Variants in ADCK1 observed in about 807,000 individuals in gnomAD.
ADCK1 encodes aarF domain-containing protein kinase 1.
A neutral mutation model predicts 52.3 loss-of-function variants in ADCK1; 41 were observed. The observed-to-expected ratio is 0.78, with a 90% CI of 0.61 to 1.02. The LOEUF (loss-of-function observed/expected upper bound fraction) is 1.02. Ranked by LOEUF, ADCK1 falls within the 50% of genes least tolerant of loss-of-function variation. The probability of loss-of-function intolerance (pLI) is 0.00; values close to 1 mark genes in which losing one functional copy is unlikely to be tolerated. For synonymous variants in ADCK1, 250 were observed against 274.6 expected (o/e 0.91, Z 0.89); for missense variants, 658 against 679.5 (o/e 0.97, Z 0.35).
At position 77,809,381 on chromosome 14, in the gene ADCK1, G is replaced by A. The variant is rs576427462; in HGVS notation, c.-12+9211G>A. Among the ~76,000 whole-genome samples, 6 of 152,236 alleles carry A rather than the reference G, an allele frequency of 3.9e-5. No homozygotes were observed. In the South Asian group the frequency reaches 1.2e-3, roughly 32 times the overall value. ...TTTGGCTCTTGTTGCCCAGGCTGGAGTGCAATGGCGTGACCTTGGCTCACT... is the reference window on the plus strand; with the variant it reads ...TTTGGCTCTTGTTGCCCAGGCTGGAATGCAATGGCGTGACCTTGGCTCACT... On this transcript the variant is annotated intron_variant, in intron 1 of 10. Transcript: ENST00000238561.
chr14:77,897,358 C>T (rs1000970576), intron 5 of ADCK1, among the ~76,000 whole-genome samples: 14 of 152,180 alleles, frequency 9.2e-5, no homozygotes, highest in African/African-American at 2.9e-4. Flanking sequence ...CACCCTTGCT[C>T]ACCCACTACA....
intron 10 of ADCK1, 92 bp from the exon 11 acceptor site, chr14:77,933,128 A>C: frequency 7.0e-7 from 1 of 1,419,282 alleles, no homozygotes. Context: ...TGAGTTGGCC[A>C]AAGCCACCAT....
intron 7 of ADCK1, among the ~76,000 whole-genome samples, chr14:77,919,242 C>T (rs540957842): frequency 3.3e-5 from 5 of 152,290 alleles, no homozygotes; most frequent in Admixed American, 6.5e-5. Context: ...ATCCCTCACC[C>T]TTCTCCCCAA....
chr14:77,867,090 G>A (rs944754059), intron 4 of ADCK1, among the ~76,000 whole-genome samples: 5 of 152,234 alleles, frequency 3.3e-5, no homozygotes, highest in Admixed American at 6.5e-5. Flanking sequence ...GGAGCGCCCT[G>A]GCTGTGCCCC....
At chr14:77,903,087 A>C (rs2083583912) in intron 6 of ADCK1, among the ~76,000 whole-genome samples, 1 of 152,260 alleles carries the variant, frequency 6.6e-6, no homozygotes, top group Non-Finnish European at 1.5e-5. Flanking sequence ...GGCAAGTGCC[A>C]GACCAAGACA....
rs1305636289 is a variant in ADCK1 at position 77,909,148 on chromosome 14, T to C, written c.858+1229T>C. On this transcript the variant is annotated intron_variant, in intron 7 of 10. Coordinates refer to ENST00000238561, the MANE Select transcript of ADCK1 (RefSeq NM_020421.4). ...AATGCTTTTTTTTTTTTTTTTTTTT[T>C]CCCTGAGACGGAGTTTTGCTCTTGT... 1.2e-4 allele frequency among the ~76,000 whole-genome samples: 18 copies of C among 148,796 alleles called. No individual in the cohort carries two copies. In the South Asian group the frequency reaches 1.3e-3, roughly 11 times the overall value.
At chr14:77,907,745 C>A in intron 6 of ADCK1, 58 bp from the exon 7 acceptor site, 1 of 1,359,294 alleles carries the variant, frequency 7.4e-7, no homozygotes, top group South Asian at 1.3e-5. Flanking sequence ...GCCACATTGT[C>A]ATCCTTGCCC....
intron 7 of ADCK1, among the ~76,000 whole-genome samples, chr14:77,918,225 G>A (rs183523116): frequency 5.1e-4 from 78 of 152,264 alleles, no homozygotes; most frequent in African/African-American, 1.8e-3. Flanking sequence ...GGTTTATATG[G>A]GGGAACTTAC....
At chr14:77,911,250 T>G (rs2140265871) in intron 7 of ADCK1, among the ~76,000 whole-genome samples, 1 of 152,348 alleles carries the variant, frequency 6.6e-6, no homozygotes, top group Middle Eastern at 3.4e-3. Context: ...GGGTTTGAAC[T>G]CAGGTCTGCA....
rs185883104 is a variant in ADCK1 at position 77,849,118 on chromosome 14, G to A, written c.220-9958G>A. On this transcript the variant is annotated intron_variant, in intron 3 of 10. Coordinates refer to ENST00000238561, the MANE Select transcript of ADCK1 (RefSeq NM_020421.4). ...GCTGGGATTATAGGCGTGAGCCACC[G>A]CGCCCGGCCACAGTGGCATAATTAT... Among the ~76,000 whole-genome samples the A allele has an allele frequency of 1.4e-3, 220 of 152,168 alleles. 1 individual carries two copies. Among genetic ancestry groups the A allele is most frequent in the Non-Finnish European group, 2.5e-3 (171 of 68,004 alleles).
chr14:77,927,782 T>C (rs979010672), intron 9 of ADCK1, among the ~76,000 whole-genome samples: 1 of 152,194 alleles, frequency 6.6e-6, no homozygotes, highest in Admixed American at 6.5e-5. Context: ...GCGTTTGGTA[T>C]GGCCCAGAGC....
chr14:77,906,944 C>T (rs572165079), intron 6 of ADCK1, among the ~76,000 whole-genome samples: 2 of 152,284 alleles, frequency 1.3e-5, no homozygotes, highest in Middle Eastern at 6.8e-3. Context: ...TGTTTTCAGA[C>T]AGGATCTTGC....
At chr14:77,885,606 T>C (rs2083130229) in intron 4 of ADCK1, among the ~76,000 whole-genome samples, 1 of 152,096 alleles carries the variant, frequency 6.6e-6, no homozygotes, top group Non-Finnish European at 1.5e-5. Flanking sequence ...TCATGTGACA[T>C]CTGAAGTCCA....
intron 3 of ADCK1, among the ~76,000 whole-genome samples, chr14:77,843,474 A>T (rs1465718401): frequency 6.6e-6 from 1 of 152,200 alleles, no homozygotes; most frequent in Non-Finnish European, 1.5e-5. Context: ...GATGGAGGGA[A>T]GGGTCCTCTT....
chr14:77,817,711 G>A (rs1214088742), intron 1 of ADCK1, among the ~76,000 whole-genome samples: 1 of 151,974 alleles, frequency 6.6e-6, no homozygotes, highest in South Asian at 2.1e-4. Flanking sequence ...CCCTCAAGGA[G>A]CCTCCATTCA....
intron 3 of ADCK1, among the ~76,000 whole-genome samples, chr14:77,852,664 T>A (rs11159297): frequency 0.077 from 388 of 5,062 alleles, 2 homozygotes; most frequent in East Asian, 0.19. Flanking sequence ...TAAATAAATA[T>A]ATATATATAT....
chr14:77,874,167 G>A (rs991542224), intron 4 of ADCK1, among the ~76,000 whole-genome samples: 37 of 152,326 alleles, frequency 2.4e-4, no homozygotes, highest in African/African-American at 8.2e-4. Context: ...GTTGGAGGAA[G>A]GAACTGCATG....
In ADCK1 at chr14:77,888,803, C is replaced by T. The variant is rs148674907; in HGVS notation, c.582+1554C>T. 6.6e-5 allele frequency among the ~76,000 whole-genome samples: 10 copies of T among 152,316 alleles called. No homozygotes were observed. In the East Asian group the frequency reaches 1.9e-3, roughly 29 times the overall value. The stretch of plus-strand genomic sequence containing the variant: ...TAGTTCCCCCTTATCTGTGAAGATA[C>T]ATTCCAAGACCCCCAGTGGATGCCT... On this transcript the variant is annotated intron_variant, in intron 5 of 10. Coordinates refer to ENST00000238561, the MANE Select transcript of ADCK1 (RefSeq NM_020421.4).
rs2081460315 is a variant in ADCK1, at chr14:77,816,795, G to A, written c.-11-2173G>A. On this transcript the variant is annotated intron_variant, in intron 1 of 10. Transcript: ENST00000238561. ...CCAGAGACCTGGACTTGTGACTGAT[G>A]TTGTGGGGGGAAGTGGGGGATGCAG... 2.0e-5 allele frequency among the ~76,000 whole-genome samples: 3 copies of A among 150,638 alleles called. No homozygotes were observed. In the South Asian group the frequency reaches 6.3e-4, roughly 32 times the overall value.
Sources: allele counts gnomAD v4.1 joint callset (sites outside exome capture counted in the v4.1 genomes callset), GRCh38; gene constraint gnomAD v4.1.1; transcripts MANE v1.5; gene names NCBI Gene and HGNC (gene_info 2026-07-23, HGNC 2026-07-21).